Variants in DDX31 observed in about 807,000 individuals in gnomAD.
DDX31 encodes the protein ATP-dependent DNA helicase DDX31.
In DDX31, 70 loss-of-function variants were observed where a neutral mutation model predicts 91.3. The observed-to-expected ratio is 0.77, with a 90% CI of 0.63 to 0.94. The LOEUF is 0.94. Ranked by LOEUF, DDX31 falls within the 40% of genes least tolerant of loss-of-function variation. The pLI is 0.00. For synonymous variants in DDX31, 362 were observed against 350.6 expected, an observed-to-expected ratio of 1.03 and a Z score of -0.36; for missense variants, 902 against 925.0, an observed-to-expected ratio of 0.98 and a Z score of 0.32.
intron 12 of DDX31, 122 bp from the exon 13 acceptor site, chr9:132,646,193 T>G: frequency 9.2e-7 from 1 of 1,086,154 alleles, no homozygotes; most frequent in South Asian, 1.8e-5. Context: ...TGACTATCTT[T>G]GAATTATTTA....
chr9:132,656,797 C>T (rs1834598584), intron 6 of DDX31, among the ~76,000 whole-genome samples: 1 of 152,168 alleles, frequency 6.6e-6, no homozygotes, highest in Admixed American at 6.5e-5. Flanking sequence ...AAAGAAAAAC[C>T]TCTCCACTGG....
At chr9:132,668,629 A>G (rs411487) in intron 1 of DDX31, among the ~76,000 whole-genome samples, 106,612 of 148,814 alleles carry the variant, frequency 0.72, 39,133 homozygotes, top group African/African-American at 0.9. Flanking sequence ...GTGCAATGGC[A>G]TGATCTCGGC....
At chr9:132,609,868 C>T (rs1241254306) in intron 19 of DDX31, among the ~76,000 whole-genome samples, 7 of 152,180 alleles carry the variant, frequency 4.6e-5, no homozygotes, top group African/African-American at 1.7e-4. Context: ...GATCCACCCG[C>T]CTCGGCCTCC....
intron 13 of DDX31, among the ~76,000 whole-genome samples, chr9:132,645,015 T>C (rs1054059070): frequency 6.6e-6 from 1 of 152,184 alleles, no homozygotes; most frequent in Non-Finnish European, 1.5e-5. Context: ...GTGTCAAACC[T>C]CTAGTGTCCC....
rs1564327802 is a variant in DDX31 at position 132,651,075 on chromosome 9, C to A, written c.675G>T (p.Lys225Asn). 1.2e-6 allele frequency: 2 copies of A among 1,612,256 alleles called. No homozygotes were observed. Among genetic ancestry groups the A allele is most frequent in the Admixed American group, 1.7e-5 (1 of 59,712 alleles). ...QSFDTVQKLL[K>N]PFTWIVPGVL... Reference sequence around the variant, plus strand: ...AAATGGAACTCATGGTTTGCCTTACCTTAAGCAGTTTCTGGACAGTGTCAA... The same window carrying A: ...AAATGGAACTCATGGTTTGCCTTACATTAAGCAGTTTCTGGACAGTGTCAA... The change falls in exon 8 of 20, where the codon AAG (lysine) becomes AAT (asparagine). Residue 225 changes from lysine (K) to asparagine (N), a missense_variant and splice_region_variant. Transcript: ENST00000372159.
chr9:132,608,401 A>G (rs577818978), intron 19 of DDX31, among the ~76,000 whole-genome samples: 9 of 152,206 alleles, frequency 5.9e-5, no homozygotes, highest in South Asian at 2.1e-4. Context: ...GCCACGAACT[A>G]TTTATTTTTC....
chr9:132,651,218 A>G (rs961484142), intron 7 of DDX31, 102 bp from the exon 8 acceptor site: 3 of 952,628 alleles, frequency 3.1e-6, no homozygotes. Flanking sequence ...ACCTCAAGTT[A>G]AGATTTAAGA....
intron 4 of DDX31, 87 bp downstream of exon 4, chr9:132,661,121 C>T: frequency 1.7e-6 from 2 of 1,190,116 alleles, no homozygotes; most frequent in Non-Finnish European, 2.5e-6. Flanking sequence ...CGCCAAGACA[C>T]AAATTTGCTC....
intron 14 of DDX31, among the ~76,000 whole-genome samples, chr9:132,640,749 C>A (rs1251587805): frequency 6.6e-6 from 1 of 152,138 alleles, no homozygotes; most frequent in African/African-American, 2.4e-5. Context: ...CTCAAGCGAT[C>A]CTCCCACCTC....
chr9:132,603,543 C>G (rs1830839279), intron 19 of DDX31, among the ~76,000 whole-genome samples: 1 of 152,130 alleles, frequency 6.6e-6, no homozygotes, highest in Admixed American at 6.5e-5. Context: ...AAGGGGAGAC[C>G]TGGGGGACTG....
chr9:132,665,935 T>G (rs1564344808), intron 1 of DDX31, among the ~76,000 whole-genome samples: 1 of 152,234 alleles, frequency 6.6e-6, no homozygotes. Context: ...TTCTACATTC[T>G]AGAGGCCTCA....
intron 6 of DDX31, among the ~76,000 whole-genome samples, chr9:132,656,656 C>T (rs940516967): frequency 4.6e-5 from 7 of 152,214 alleles, no homozygotes; most frequent in African/African-American, 1.7e-4. Context: ...CAGCTGCCCA[C>T]CACACCATTC....
At chr9:132,605,361 T>C (rs1004314082) in intron 19 of DDX31, among the ~76,000 whole-genome samples, 2 of 152,178 alleles carry the variant, frequency 1.3e-5, no homozygotes, top group Non-Finnish European at 2.9e-5. Flanking sequence ...ACCAGCATGA[T>C]GCATGATATG....
intron 14 of DDX31, chr9:132,638,360 T>G (rs1833257444): frequency 6.2e-7 from 1 of 1,614,228 alleles, no homozygotes; most frequent in African/African-American, 1.3e-5. Flanking sequence ...GGGTGAGTTC[T>G]TCACTGTAAG....
At chr9:132,658,400 G>A (rs1393195936) in intron 6 of DDX31, 1 of 702,614 alleles carries the variant, frequency 1.4e-6, no homozygotes, top group African/African-American at 1.7e-5. Context: ...GATTCAAGAA[G>A]GGAACACATG....
Position 132,595,221 on chromosome 9 carries a change from G to A in DDX31, c.1995-109C>T, listed in dbSNP as rs1830382729. On this transcript the variant is annotated intron_variant, in intron 19 of 19. Coordinates refer to ENST00000372159, the MANE Select transcript of DDX31 (RefSeq NM_022779.9). The surrounding 1 kb of genome is among the most constrained non-coding windows in gnomAD (Gnocchi z 4.6). ...CTGAGACTGTGAAGCTGACATTTTT[G>A]TATTAACAGAAGTACAATCCCTTCA... The A allele has an allele frequency of 1.5e-5, 20 of 1,342,336 alleles. No individual in the cohort carries two copies. The South Asian group carries it at 2.6e-4, about 17-fold the overall frequency. The allele number at this position is 1,342,336 out of a possible 1,614,324, so 83.2% of individuals were successfully genotyped here. A position where few individuals can be genotyped will look rare whatever the true frequency, so the allele number is the denominator to read the frequency against.
chr9:132,606,738 GGTGTCT>G (rs1831049501), intron 19 of DDX31, among the ~76,000 whole-genome samples: 1 of 152,134 alleles, frequency 6.6e-6, no homozygotes, highest in Admixed American at 6.5e-5. Flanking sequence ...ATTCAATCCT[GGTGTCT>G]GTGTGATTCA....
Position 132,593,097 on chromosome 9 carries a change from G to C in DDX31, c.*1769C>G, listed in dbSNP as rs143134684. 8.5e-5 allele frequency: 13 copies of C among 152,284 alleles called. No individual in the cohort carries two copies. The East Asian group carries it at 2.5e-3, about 29-fold the overall frequency. The allele number at this position is 152,284 out of a possible 1,614,324, so 9.4% of individuals were successfully genotyped here. A position where few individuals can be genotyped will look rare whatever the true frequency, so the allele number is the denominator to read the frequency against. On this transcript the variant is annotated 3_prime_UTR_variant, in exon 20 of 20. Coordinates refer to ENST00000372159, the MANE Select transcript of DDX31 (RefSeq NM_022779.9). ...TCTTTATTAACTGGGGTAATATAGT[G>C]ATTCTACTTAGAAACAGACCCACAT... is the stretch of plus-strand genomic sequence containing the variant.
At chr9:132,630,905 G>A (rs1422807578) in intron 15 of DDX31, among the ~76,000 whole-genome samples, 1 of 152,166 alleles carries the variant, frequency 6.6e-6, no homozygotes, top group Non-Finnish European at 1.5e-5. Context: ...AGGCCACCAG[G>A]AGCAGGCCCC....
Sources: allele counts gnomAD v4.1 joint callset (sites outside exome capture counted in the v4.1 genomes callset), GRCh38; gene constraint gnomAD v4.1.1; non-coding constraint Gnocchi (gnomAD v3.1); transcripts MANE v1.5; gene names NCBI Gene and HGNC (gene_info 2026-07-23, HGNC 2026-07-21).